Variants in PAPPA observed in about 807,000 individuals in gnomAD.
The protein encoded by PAPPA is pappalysin 1, also known as pappalysin-1.
PAPPA carries 60 observed loss-of-function variants against 164.0 expected under a neutral mutation model. The ratio of observed to expected loss-of-function variants is 0.37; its 90% CI spans 0.30 to 0.45. The LOEUF (loss-of-function observed/expected upper bound fraction) is 0.45, where lower values mean the gene tolerates loss of function less well. PAPPA is among the 20% of genes least tolerant of loss of function. The probability of loss-of-function intolerance (pLI) is 1.00; values close to 1 mark genes in which losing one functional copy is unlikely to be tolerated. For synonymous variants in PAPPA, 875 were observed against 814.1 expected (o/e 1.07, Z -1.27); for missense variants, 1,782 against 2,087.3 (o/e 0.85, Z 2.85).
At chr9:116,268,406 T>C (rs1040471037) in intron 8 of PAPPA, among the ~76,000 whole-genome samples, 5 of 152,160 alleles carry the variant, frequency 3.3e-5, no homozygotes, top group Admixed American at 2.6e-4. Context: ...AACAGAGGAC[T>C]CTCCATGGAG....
At chr9:116,292,934 C>A (rs555674763) in intron 9 of PAPPA, among the ~76,000 whole-genome samples, 65 of 152,236 alleles carry the variant, frequency 4.3e-4, no homozygotes, top group South Asian at 8.3e-4. Flanking sequence ...GACATGATGT[C>A]ATGGAAGTCA....
At chr9:116,307,061 G>A (rs1845655659) in intron 10 of PAPPA, among the ~76,000 whole-genome samples, 2 of 152,188 alleles carry the variant, frequency 1.3e-5, no homozygotes, top group Non-Finnish European at 2.9e-5. Context: ...TATCCACAGT[G>A]AGATGGAGTG....
intron 9 of PAPPA, among the ~76,000 whole-genome samples, chr9:116,277,769 C>T (rs955004175): frequency 1.3e-5 from 2 of 152,174 alleles, no homozygotes; most frequent in African/African-American, 4.8e-5. Flanking sequence ...CTCCGCCTCC[C>T]AGGTTCAAGT....
chr9:116,158,250 C>T (rs1843626206), intron 1 of PAPPA, among the ~76,000 whole-genome samples: 1 of 152,082 alleles, frequency 6.6e-6, no homozygotes, highest in Non-Finnish European at 1.5e-5. Flanking sequence ...TAGTATCCAC[C>T]CAACCCTCAA....
intron 1 of PAPPA, among the ~76,000 whole-genome samples, chr9:116,161,372 C>T (rs946434327): frequency 4.6e-5 from 7 of 152,066 alleles, no homozygotes; most frequent in African/African-American, 7.2e-5. Flanking sequence ...TAGCGACTTT[C>T]AAACTGTCAG....
chr9:116,181,598 AT>A (rs1482120791), intron 1 of PAPPA, among the ~76,000 whole-genome samples: 2 of 152,212 alleles, frequency 1.3e-5, no homozygotes, highest in East Asian at 3.8e-4. Context: ...GTGGAACACA[AT>A]TTCATCCACC....
intron 9 of PAPPA, among the ~76,000 whole-genome samples, chr9:116,279,659 G>C (rs937661767): frequency 7.2e-5 from 11 of 152,180 alleles, no homozygotes; most frequent in Admixed American, 5.9e-4. Context: ...AGAGTCCAAG[G>C]CAGGTGAATC....
chr9:116,226,827 G>A (rs577867059), intron 5 of PAPPA, among the ~76,000 whole-genome samples: 28 of 152,218 alleles, frequency 1.8e-4, no homozygotes, highest in Non-Finnish European at 3.1e-4. Flanking sequence ...TTGGAAAGCC[G>A]CTACAATGAA....
At chr9:116,303,196 T>C (rs897477021) in intron 10 of PAPPA, among the ~76,000 whole-genome samples, 1 of 152,174 alleles carries the variant, frequency 6.6e-6, no homozygotes, top group Non-Finnish European at 1.5e-5. Context: ...ATAACTAATA[T>C]TTGGAGAAAG....
chr9:116,281,624 C>T (rs1845268372), intron 9 of PAPPA, among the ~76,000 whole-genome samples: 1 of 152,166 alleles, frequency 6.6e-6, no homozygotes, highest in Non-Finnish European at 1.5e-5. Context: ...TTATGGAGAA[C>T]CTGCTGCAGT....
intron 17 of PAPPA, among the ~76,000 whole-genome samples, chr9:116,355,351 C>T (rs562906303): frequency 1.3e-5 from 2 of 152,354 alleles, no homozygotes; most frequent in African/African-American, 4.8e-5. Flanking sequence ...GGTTACTCAA[C>T]CCCCCATGGT....
chr9:116,353,719 C>T lies in PAPPA; in HGVS notation c.4273C>T (p.Leu1425Phe), dbSNP rs1846314495. 1.2e-6 allele frequency: 2 copies of T among 1,614,030 alleles called. No individual in the cohort carries two copies. The highest frequency in any genetic ancestry group is 8.5e-7 in the Non-Finnish European group (1 of 1,179,932). ...CDPPPPKFHG[L>F]YQCTNGFQFN... Reference sequence around the variant, plus strand: ...CCCACCTCCACCAAAATTCCATGGGCTCTACCAGTGTACTAATGGCTTCCA... The same window carrying T: ...CCCACCTCCACCAAAATTCCATGGGTTCTACCAGTGTACTAATGGCTTCCA... The change falls in exon 17 of 22, where the codon CTC becomes TTC. Residue 1425 changes from leucine to phenylalanine, a missense_variant. Leu to Phe is a conservative substitution (Grantham distance 22). This residue lies in a region of PAPPA where 1,324 missense variants were observed against 1,656.9 expected (regional missense o/e 0.80). Coordinates refer to ENST00000328252, the MANE Select transcript of PAPPA (RefSeq NM_002581.5).
Position 116,347,183 on chromosome 9 carries a change from A to G in PAPPA, c.3938A>G (p.Gln1313Arg), listed in dbSNP as rs1170688559. 1 of 1,613,612 alleles carries G rather than the reference A, an allele frequency of 6.2e-7. No individual in the cohort carries two copies. Among genetic ancestry groups the G allele is most frequent in the Admixed American group, 1.7e-5 (1 of 59,988 alleles). Residue 1313 changes from glutamine to arginine, a missense_variant, in exon 15 of 22, where the codon CAG (glutamine) becomes CGG (arginine). Transcript: ENST00000328252. The surrounding 1 kb of genome is among the most constrained non-coding windows in gnomAD (Gnocchi z 4.5). The stretch of plus-strand genomic sequence containing the variant: ...ACCTTTGGCAGTCAATGTTCCTTCC[A>G]GTGCCGTCACCCTGCACAATTGAAA... ...GTTFGSQCSF[Q>R]CRHPAQLKGN... is the part of the protein sequence containing the mutation.
At chr9:116,298,610 G>A (rs933623247) in intron 9 of PAPPA, among the ~76,000 whole-genome samples, 3 of 152,190 alleles carry the variant, frequency 2.0e-5, no homozygotes, top group Non-Finnish European at 4.4e-5. Flanking sequence ...AATAGTCAAA[G>A]GGTACAGAGT....
rs768214359 is a variant in PAPPA at position 116,235,572 on chromosome 9, C to A, written c.2667C>A (p.Val889=). ...GTAAGCCCCTGAAGTATAAGGTGGT[C>A]CGGGACCCTCCTCTCCAGATGGATG... is the stretch of plus-strand genomic sequence containing the variant. ...LQCKPLKYKV[V]RDPPLQMDVA... is the part of the protein sequence containing the mutation. The change falls in exon 7 of 22, where the codon GTC becomes GTA. Residue 889 remains valine, a synonymous_variant. Transcript: ENST00000328252. The A allele has an allele frequency of 1.9e-6, 3 of 1,613,558 alleles. No individual in the cohort carries two copies. The South Asian group carries it at 3.3e-5, about 18-fold the overall frequency.
chr9:116,177,738 C>T (rs1587939640), intron 1 of PAPPA, among the ~76,000 whole-genome samples: 1 of 152,306 alleles, frequency 6.6e-6, no homozygotes, highest in East Asian at 1.9e-4. Context: ...AAGGAAAGAT[C>T]TCTCTTCCAA....
In PAPPA at chr9:116,335,094, C is replaced by A; in HGVS notation, c.3611+20C>A. ...GCAGAGGTAAGGGATCCGCGGCAGA[C>A]TCGCCCTAGGCCACTTGTAGCCGAG... On this transcript the variant is annotated intron_variant, in intron 13 of 21. Coordinates refer to ENST00000328252, the MANE Select transcript of PAPPA (RefSeq NM_002581.5). The A allele has an allele frequency of 6.3e-7, 1 of 1,595,890 alleles. No homozygotes were observed. The highest frequency in any genetic ancestry group is 8.6e-7 in the Non-Finnish European group (1 of 1,166,284).
At chr9:116,315,180 C>G (rs1482705355) in intron 10 of PAPPA, among the ~76,000 whole-genome samples, 1 of 152,194 alleles carries the variant, frequency 6.6e-6, no homozygotes, top group African/African-American at 2.4e-5. Flanking sequence ...CATAGGTGAT[C>G]AAAGCAGGCA....
chr9:116,371,317 T>G (rs2118662201), intron 19 of PAPPA, among the ~76,000 whole-genome samples: 1 of 152,250 alleles, frequency 6.6e-6, no homozygotes, highest in South Asian at 2.1e-4. Context: ...CTCGGGAAGC[T>G]GAGACAGGAG....
Sources: gnomAD v4.1 joint callset for allele counts (sites outside exome capture counted in the v4.1 genomes callset) on GRCh38, gnomAD v4.1.1 for gene constraint, gnomAD v4.1.1 regional missense constraint, Gnocchi (gnomAD v3.1) non-coding constraint, MANE v1.5 for transcripts, NCBI Gene and HGNC (gene_info 2026-07-23, HGNC 2026-07-21) for gene names.